APOC1: variants seen among roughly 807,000 people sequenced by gnomAD.
The protein encoded by APOC1 is apolipoprotein C-I.
Under a neutral mutation model 6.7 loss-of-function variants are expected in APOC1, and 4 were observed. That is an observed-to-expected ratio of 0.60 (90% confidence interval 0.29 to 1.37). The LOEUF is 1.37. Among genes scored for constraint, APOC1 ranks in the 40% most tolerant of loss-of-function variants. The pLI is 0.09. For missense variants in APOC1, 122 were observed against 99.4 expected (o/e 1.23, Z -0.97); for synonymous variants, 33 against 40.6 (o/e 0.81, Z 0.72).
chr19:44,916,447 C>G (rs750069492), intron 3 of APOC1, 122 bp downstream of exon 3: 5 of 1,285,858 alleles, frequency 3.9e-6, no homozygotes, highest in South Asian at 2.7e-5. Flanking sequence ...CAACATCCCT[C>G]TGGTCACACA....
rs1969970667 is a variant in APOC1 at position 44,914,617 on chromosome 19, G to T, written c.-137G>T. Reference sequence around the variant, plus strand: ...GTGGACAGAGGGAGGCAGGCGGTCAGGGGAAGGCTCAGGAGGAGGGAGATC... The same window carrying T: ...GTGGACAGAGGGAGGCAGGCGGTCATGGGAAGGCTCAGGAGGAGGGAGATC... On this transcript the variant is annotated 5_prime_UTR_variant, in exon 1 of 4. The change creates a new upstream start codon in the 5' untranslated region. Coordinates refer to ENST00000592535, the MANE Select transcript of APOC1 (RefSeq NM_001645.5). 4.2e-6 allele frequency: 2 copies of T among 476,728 alleles called. No individual in the cohort carries two copies. The highest frequency in any genetic ancestry group is 2.6e-5 in the South Asian group (1 of 38,418). 29.5% of individuals were successfully genotyped at this position (476,728 alleles called of 1,614,324 possible).
In APOC1 at chr19:44,919,285, GC is replaced by G; in HGVS notation, c.*57del. 2.6e-6 allele frequency: 4 copies of G among 1,520,976 alleles called. No individual in the cohort carries two copies. In the South Asian group the frequency reaches 4.5e-5, roughly 17 times the overall value. The allele number at this position is 1,520,976 out of a possible 1,614,324, so 94.2% of individuals were successfully genotyped here. On this transcript the variant is annotated 3_prime_UTR_variant, in exon 4 of 4. Transcript: ENST00000592535. Reference sequence around the variant, plus strand: ...CCTCTGAAATTTCCCACACCCCAGCGCCTGTGCTGAGGACTCCCTCCATGTG... The same window carrying G: ...CCTCTGAAATTTCCCACACCCCAGCGCTGTGCTGAGGACTCCCTCCATGTG...
intron 3 of APOC1, among the ~76,000 whole-genome samples, chr19:44,917,879 C>T (rs1313305836): frequency 1.3e-5 from 2 of 151,974 alleles, no homozygotes; most frequent in Non-Finnish European, 2.9e-5. Context: ...GAGCCTGAGG[C>T]AGGAGAATCA....
chr19:44,918,593 G>A (rs928999008), intron 3 of APOC1, among the ~76,000 whole-genome samples: 2 of 151,960 alleles, frequency 1.3e-5, no homozygotes, highest in African/African-American at 4.8e-5. Flanking sequence ...TAGCCAGCAT[G>A]GTCTCGATCT....
chr19:44,916,823 A>C (rs1435346589), intron 3 of APOC1, among the ~76,000 whole-genome samples: 3 of 149,944 alleles, frequency 2.0e-5, no homozygotes, highest in African/African-American at 4.9e-5. Context: ...AAAAAAAAAA[A>C]AAAAAAAAAA....
rs375197804 is a variant in APOC1, at chr19:44,916,267, G to A, written c.136G>A (p.Asp46Asn). ...KLKEFGNTLEDKARELISRIK... is the reference protein window; with the variant it reads ...KLKEFGNTLENKARELISRIK... ...GAAGGAGTTTGGAAACACACTGGAGGACAAGGCTCGGGAACTCATCAGCCG... is the reference window on the plus strand; with the variant it reads ...GAAGGAGTTTGGAAACACACTGGAGAACAAGGCTCGGGAACTCATCAGCCG... Residue 46 changes from aspartate (D) to asparagine (N), a missense_variant, in exon 3 of 4, where the codon GAC (aspartate) becomes AAC (asparagine). By Grantham distance (23) the Asp-to-Asn change is conservative. Coordinates refer to ENST00000592535, the MANE Select transcript of APOC1 (RefSeq NM_001645.5). 1.8e-5 allele frequency: 29 copies of A among 1,613,840 alleles called. No homozygotes were observed. The highest frequency in any genetic ancestry group is 2.7e-5 in the African/African-American group (2 of 74,826).
At chr19:44,919,037 C>T (rs922186455) in intron 3 of APOC1, 136 bp from the exon 4 acceptor site, 6 of 797,896 alleles carry the variant, frequency 7.5e-6, no homozygotes, top group Non-Finnish European at 1.3e-5. Flanking sequence ...CCCAGCCCAG[C>T]GGTCCTCCTA....
rs765806814 is a variant in APOC1, at chr19:44,915,085, G to A, written c.58+136G>A. On this transcript the variant is annotated intron_variant, in intron 2 of 3. Coordinates refer to ENST00000592535, the MANE Select transcript of APOC1 (RefSeq NM_001645.5). ...GGTCGTGGTTGCCTCATCGTGGTCG[G>A]GTGGGTCTCCAGGTTCTCCCAGGCT... 1.1e-3 allele frequency: 1,005 copies of A among 913,766 alleles called. 6 individuals carry two copies. Among genetic ancestry groups the A allele is most frequent in the South Asian group, 1.3e-3 (90 of 69,450 alleles). 56.6% of individuals were successfully genotyped at this position (913,766 alleles called of 1,614,324 possible). A position where few individuals can be genotyped will look rare whatever the true frequency, so the allele number is the denominator to read the frequency against.
rs1391266330 is a variant in APOC1, at chr19:44,915,015, G to T, written c.58+66G>T. ...AAGAGTGAAGGTGGCTACAGGCCTG[G>T]GGTCCCGGCTTAGAGGACCTCTGAG... On this transcript the variant is annotated intron_variant, in intron 2 of 3. Coordinates refer to ENST00000592535, the MANE Select transcript of APOC1 (RefSeq NM_001645.5). The T allele has an allele frequency of 4.7e-6, 7 of 1,502,360 alleles. No homozygotes were observed. The Admixed American group carries it at 5.4e-5, about 12-fold the overall frequency. The allele number at this position is 1,502,360 out of a possible 1,614,324, so 93.1% of individuals were successfully genotyped here. A position where few individuals can be genotyped will look rare whatever the true frequency, so the allele number is the denominator to read the frequency against.
rs563196499 is a variant in APOC1, at chr19:44,918,628, C to T, written c.195-545C>T. On this transcript the variant is annotated intron_variant, in intron 3 of 3. Transcript: ENST00000592535. ...TCCTGACCTGGTGATCCACCCGCCTCGGCCTCCCAAAGTGCTGGGATTACA... is the reference window on the plus strand; with the variant it reads ...TCCTGACCTGGTGATCCACCCGCCTTGGCCTCCCAAAGTGCTGGGATTACA... Among the ~76,000 whole-genome samples the T allele has an allele frequency of 4.6e-3, 692 of 151,996 alleles. 3 individuals are homozygous for T. Among genetic ancestry groups the T allele is most frequent in the African/African-American group, 0.015 (624 of 41,384 alleles).
intron 3 of APOC1, among the ~76,000 whole-genome samples, chr19:44,918,337 C>CTTT (rs1200008263): frequency 7.7e-5 from 7 of 90,338 alleles, no homozygotes; most frequent in East Asian, 8.0e-4. Context: ...TGAAGTGTTT[C>CTTT]TTTTTTTTTT....
chr19:44,917,641 AAGGG>A (rs893414372), intron 3 of APOC1, among the ~76,000 whole-genome samples: 2 of 146,586 alleles, frequency 1.4e-5, no homozygotes, highest in Non-Finnish European at 3.0e-5. Flanking sequence ...GGGAGGAAGG[AAGGG>A]AGGGAGGGAG....
intron 3 of APOC1, among the ~76,000 whole-genome samples, chr19:44,917,610 GAAAA>G (rs1304992240): frequency 1.6e-5 from 2 of 128,966 alleles, no homozygotes; most frequent in African/African-American, 5.6e-5. Context: ...GAAGAAAAGA[GAAAA>G]GAAAGACAGG....
intron 3 of APOC1, among the ~76,000 whole-genome samples, chr19:44,917,633 G>GAGGA (rs1216378161): frequency 2.8e-5 from 4 of 145,454 alleles, no homozygotes; most frequent in African/African-American, 5.0e-5. Context: ...GGGAGGGAGG[G>GAGGA]AGGAAGGAAG....
upstream of APOC1, chr19:44,914,466 CCA>C: frequency 5.5e-6 from 1 of 182,666 alleles, no homozygotes; most frequent in Non-Finnish European, 1.2e-5. Context: ...TCTGAGGACC[CCA>C]CAGAGTCAGG....
chr19:44,918,267 C>CA (rs1167208677), intron 3 of APOC1, among the ~76,000 whole-genome samples: 14 of 130,486 alleles, frequency 1.1e-4, no homozygotes, highest in African/African-American at 8.5e-5. Context: ...AACTCCATCT[C>CA]AAAAAAAAAA....
chr19:44,918,690 T>C (rs970868041), intron 3 of APOC1, among the ~76,000 whole-genome samples: 2 of 148,700 alleles, frequency 1.3e-5, no homozygotes, highest in African/African-American at 2.5e-5. Context: ...TTTTTTCTTT[T>C]TGAGATGTAC....
chr19:44,918,044 C>T (rs1390131117), intron 3 of APOC1, among the ~76,000 whole-genome samples: 1 of 151,692 alleles, frequency 6.6e-6, no homozygotes, highest in Non-Finnish European at 1.5e-5. Context: ...GCTGAGCAGG[C>T]GGATCACGAG....
At chr19:44,914,511 G>A (rs1969968297), upstream of APOC1, 1 of 230,436 alleles carries the variant, frequency 4.3e-6, no homozygotes, top group Non-Finnish European at 8.7e-6. Context: ...GAACGGGGAG[G>A]GGCTTTGGGG....
Sources: allele counts gnomAD v4.1 joint callset (sites outside exome capture counted in the v4.1 genomes callset), GRCh38; gene constraint gnomAD v4.1.1; transcripts MANE v1.5; gene names NCBI Gene and HGNC (gene_info 2026-07-23, HGNC 2026-07-21).